Variants in LRRTM4 observed in about 807,000 individuals in gnomAD.
LRRTM4 encodes leucine-rich repeat transmembrane neuronal protein 4.
A neutral mutation model predicts 47.6 loss-of-function variants in LRRTM4; 25 were observed. That is an observed-to-expected ratio of 0.53 (90% confidence interval 0.38 to 0.73). The LOEUF is 0.73. Ranked by LOEUF, LRRTM4 falls within the 30% of genes least tolerant of loss-of-function variation. The probability of loss-of-function intolerance (pLI) is 0.00; values close to 1 mark genes in which losing one functional copy is unlikely to be tolerated. For synonymous variants in LRRTM4, 311 were observed against 269.5 expected (o/e 1.15, Z -1.51); for missense variants, 638 against 713.4 (o/e 0.89, Z 1.20).
rs77710584 is a variant in LRRTM4, at chr2:77,150,549, T to C, written c.1551+367769A>G. ...TTAAGATCTCATTTTTAGTGAACTATGCCTATTATCAGTTGATACTACATT... is the reference window on the plus strand; with the variant it reads ...TTAAGATCTCATTTTTAGTGAACTACGCCTATTATCAGTTGATACTACATT... On this transcript the variant is annotated intron_variant, in intron 3 of 3. Transcript: ENST00000409884. Among the ~76,000 whole-genome samples the C allele has an allele frequency of 8.5e-3, 1,299 of 152,304 alleles. 23 individuals are homozygous for C. Among genetic ancestry groups the C allele is most frequent in the African/African-American group, 0.03 (1,240 of 41,564 alleles).
intron 3 of LRRTM4, among the ~76,000 whole-genome samples, chr2:77,123,267 T>C (rs1468181949): frequency 1.3e-5 from 2 of 150,248 alleles, no homozygotes; most frequent in Non-Finnish European, 3.0e-5. Context: ...AATTCAGTCT[T>C]TTAACTTGAG....
chr2:76,845,756 A>G (rs961675464), intron 3 of LRRTM4, among the ~76,000 whole-genome samples: 3 of 152,198 alleles, frequency 2.0e-5, no homozygotes, highest in African/African-American at 4.8e-5. Context: ...AGTGTTCTTC[A>G]TATGAATGCT....
intron 3 of LRRTM4, among the ~76,000 whole-genome samples, chr2:77,017,132 A>G (rs1678099555): frequency 6.6e-6 from 1 of 152,176 alleles, no homozygotes; most frequent in African/African-American, 2.4e-5. Context: ...ATCAGAAAGA[A>G]TTCTCCAGGA....
intron 3 of LRRTM4, among the ~76,000 whole-genome samples, chr2:77,167,848 G>A (rs1211923999): frequency 2.6e-5 from 4 of 152,020 alleles, no homozygotes; most frequent in African/African-American, 9.7e-5. Context: ...TATACCTAAT[G>A]TAAATGACAA....
intron 3 of LRRTM4, among the ~76,000 whole-genome samples, chr2:76,999,222 G>A (rs1424476425): frequency 6.6e-6 from 1 of 152,020 alleles, no homozygotes; most frequent in African/African-American, 2.4e-5. Flanking sequence ...ACCCTGGGAA[G>A]CTACTGTATG....
At chr2:77,078,144 A>G (rs921499993) in intron 3 of LRRTM4, among the ~76,000 whole-genome samples, 1 of 152,176 alleles carries the variant, frequency 6.6e-6, no homozygotes, top group African/African-American at 2.4e-5. Context: ...AATAAGCAAC[A>G]TTGTCATTAA....
At chr2:77,346,009 G>C (rs954751351) in intron 3 of LRRTM4, among the ~76,000 whole-genome samples, 1 of 151,612 alleles carries the variant, frequency 6.6e-6, no homozygotes, top group Non-Finnish European at 1.5e-5. Context: ...TTTTATAATA[G>C]AATACTACTT....
chr2:76,937,395 T>C (rs77480991), intron 3 of LRRTM4, among the ~76,000 whole-genome samples: 2,527 of 152,256 alleles, frequency 0.017, 87 homozygotes, highest in African/African-American at 0.057. Context: ...GACAATGATG[T>C]GATGGGAAAT....
At chr2:76,797,269 A>T (rs10221733) in intron 3 of LRRTM4, among the ~76,000 whole-genome samples, 4 of 152,086 alleles carry the variant, frequency 2.6e-5, no homozygotes, top group East Asian at 1.9e-4. Context: ...CGGATCTCTC[A>T]GCAGAAACCC....
chr2:77,213,688 T>G (rs2103928699), intron 3 of LRRTM4, among the ~76,000 whole-genome samples: 1 of 152,242 alleles, frequency 6.6e-6, no homozygotes, highest in South Asian at 2.1e-4. Flanking sequence ...ACATCCAACT[T>G]TAGGACTGTC....
At chr2:77,159,409 T>C (rs1223845991) in intron 3 of LRRTM4, among the ~76,000 whole-genome samples, 1 of 151,196 alleles carries the variant, frequency 6.6e-6, no homozygotes. Flanking sequence ...CATTAGGAGA[T>C]ATACCTAATG....
intron 3 of LRRTM4, among the ~76,000 whole-genome samples, chr2:77,004,302 G>C (rs924401118): frequency 2.0e-5 from 3 of 152,184 alleles, no homozygotes; most frequent in Non-Finnish European, 1.5e-5. Flanking sequence ...AGGGACCCCT[G>C]CTGTGTGCAG....
chr2:77,304,547 A>T (rs1178083849), intron 3 of LRRTM4, among the ~76,000 whole-genome samples: 1 of 152,128 alleles, frequency 6.6e-6, no homozygotes, highest in African/African-American at 2.4e-5. Flanking sequence ...AACCTGAAAA[A>T]AATACTTGAG....
intron 3 of LRRTM4, among the ~76,000 whole-genome samples, chr2:76,845,802 G>A (rs1187489300): frequency 6.6e-6 from 1 of 152,082 alleles, no homozygotes; most frequent in Non-Finnish European, 1.5e-5. Flanking sequence ...GGAATAGGGA[G>A]AGGGTGGCTC....
intron 3 of LRRTM4, among the ~76,000 whole-genome samples, chr2:77,008,385 A>T (rs770239993): frequency 6.6e-6 from 1 of 152,172 alleles, no homozygotes; most frequent in South Asian, 2.1e-4. Flanking sequence ...AATCATGGAG[A>T]TATCACAGAA....
At chr2:77,421,708 A>G (rs1313134493) in intron 3 of LRRTM4, among the ~76,000 whole-genome samples, 1 of 150,118 alleles carries the variant, frequency 6.7e-6, no homozygotes, top group Non-Finnish European at 1.5e-5. Context: ...CTCCATCTCA[A>G]AAAAAAAAAG....
intron 3 of LRRTM4, among the ~76,000 whole-genome samples, chr2:77,338,789 C>T (rs1046046284): frequency 3.3e-5 from 5 of 151,976 alleles, no homozygotes; most frequent in Non-Finnish European, 7.4e-5. Context: ...ACCACAAAGA[C>T]ACCTGCACTC....
chr2:77,090,639 C>G (rs1250533460), intron 3 of LRRTM4, among the ~76,000 whole-genome samples: 1 of 152,180 alleles, frequency 6.6e-6, no homozygotes. Flanking sequence ...CCTCCTCCCC[C>G]AGGAGCTTGC....
chr2:77,062,156 G>A (rs551029662), intron 3 of LRRTM4, among the ~76,000 whole-genome samples: 1 of 152,120 alleles, frequency 6.6e-6, no homozygotes, highest in East Asian at 1.9e-4. Context: ...TTTGGGGGGT[G>A]GCAGGCATAA....
Sources: gnomAD v4.1 joint callset for allele counts (sites outside exome capture counted in the v4.1 genomes callset) on GRCh38, gnomAD v4.1.1 for gene constraint, MANE v1.5 for transcripts, NCBI Gene and HGNC (gene_info 2026-07-23, HGNC 2026-07-21) for gene names.